Variants in RBM20 observed in about 807,000 individuals in gnomAD.
The protein encoded by RBM20 is RNA-binding protein 20.
RBM20 carries 51 observed loss-of-function variants against 110.1 expected under a neutral mutation model. The ratio of observed to expected loss-of-function variants is 0.46; its 90% confidence interval spans 0.37 to 0.59. RBM20 has a LOEUF of 0.59. Ranked by LOEUF, RBM20 falls within the 20% of genes least tolerant of loss-of-function variation. The pLI is 0.00. For synonymous variants in RBM20, 589 were observed against 618.2 expected, an observed-to-expected ratio of 0.95 and a Z score of 0.70; for missense variants, 1,512 against 1,574.9, an observed-to-expected ratio of 0.96 and a Z score of 0.68.
intron 1 of RBM20, among the ~76,000 whole-genome samples, chr10:110,744,577 C>G (rs970772554): frequency 6.6e-6 from 1 of 152,168 alleles, no homozygotes; most frequent in Admixed American, 6.5e-5. Flanking sequence ...ACTTACTGAA[C>G]GGAAACTCTG....
At chr10:110,694,139 G>A (rs1862627636) in intron 1 of RBM20, among the ~76,000 whole-genome samples, 1 of 152,148 alleles carries the variant, frequency 6.6e-6, no homozygotes, top group Admixed American at 6.5e-5. Context: ...ACAAGCATTT[G>A]CTGCCCTCTA....
In RBM20 at chr10:110,785,510, C is replaced by T. The variant is rs572660311; in HGVS notation, c.1527+621C>T. Among the ~76,000 whole-genome samples the T allele has an allele frequency of 3.9e-5, 6 of 152,028 alleles. No homozygotes were observed. In the East Asian group the frequency reaches 7.7e-4, roughly 20 times the overall value. On this transcript the variant is annotated intron_variant, in intron 5 of 13. Transcript: ENST00000369519. Reference sequence around the variant, plus strand: ...GGCAAAGGTTGCAGTGAGCCGAGATCGCACCACTGCACTCCAGCGCAGGTG... The same window carrying T: ...GGCAAAGGTTGCAGTGAGCCGAGATTGCACCACTGCACTCCAGCGCAGGTG...
chr10:110,781,557 C>T lies in RBM20; in HGVS notation c.948C>T (p.Asn316=). The change falls in exon 2 of 14, where the codon AAC becomes AAT. Residue 316 remains asparagine, a synonymous_variant. Coordinates refer to ENST00000369519, the MANE Select transcript of RBM20 (RefSeq NM_001134363.3). ...SEVGPLLQGT[N]SQWESPHGFS... ...TCGGGCCACTGCTGCAGGGCACAAA[C>T]AGCCAATGGGAGAGCCCCCATGGAT... is the stretch of plus-strand genomic sequence containing the variant. The T allele has an allele frequency of 6.4e-7, 1 of 1,551,734 alleles. No individual in the cohort carries two copies. Among genetic ancestry groups the T allele is most frequent in the Non-Finnish European group, 8.7e-7 (1 of 1,147,008 alleles).
intron 1 of RBM20, among the ~76,000 whole-genome samples, chr10:110,686,088 T>A (rs1234673422): frequency 1.3e-5 from 2 of 152,178 alleles, no homozygotes; most frequent in Non-Finnish European, 2.9e-5. Context: ...TCACGGACCT[T>A]ACTTTTCTCA....
chr10:110,671,900 C>T (rs1348979468), intron 1 of RBM20, among the ~76,000 whole-genome samples: 1 of 152,106 alleles, frequency 6.6e-6, no homozygotes, highest in Non-Finnish European at 1.5e-5. Flanking sequence ...TCTTTTTCAG[C>T]TTTTACAGAG....
chr10:110,775,616 T>A (rs551795168), intron 1 of RBM20, among the ~76,000 whole-genome samples: 1 of 152,162 alleles, frequency 6.6e-6, no homozygotes, highest in Non-Finnish European at 1.5e-5. Context: ...GCCCACTCCT[T>A]ATCTTCTAAT....
intron 5 of RBM20, among the ~76,000 whole-genome samples, chr10:110,785,504 C>G (rs370887721): frequency 6.6e-6 from 1 of 151,920 alleles, no homozygotes; most frequent in Non-Finnish European, 1.5e-5. Flanking sequence ...TGCAGTGAGC[C>G]GAGATCGCAC....
intron 1 of RBM20, chr10:110,756,357 C>A (rs987000885): frequency 6.6e-6 from 1 of 152,228 alleles, no homozygotes; most frequent in Non-Finnish European, 1.5e-5. Context: ...GGTATTGTGG[C>A]ATCCGTGCCC....
At chr10:110,677,006 A>G (rs541890944) in intron 1 of RBM20, among the ~76,000 whole-genome samples, 2 of 152,302 alleles carry the variant, frequency 1.3e-5, no homozygotes, top group East Asian at 1.9e-4. Context: ...AATTCCTAAA[A>G]CAGGATAATT....
intron 1 of RBM20, among the ~76,000 whole-genome samples, chr10:110,647,546 T>C (rs981818546): frequency 6.6e-6 from 1 of 152,180 alleles, no homozygotes; most frequent in Non-Finnish European, 1.5e-5. Context: ...ATTTAGGCTA[T>C]TTAGGAAACA....
At chr10:110,711,168 A>G (rs1862920036) in intron 1 of RBM20, among the ~76,000 whole-genome samples, 1 of 97,132 alleles carries the variant, frequency 1.0e-5, no homozygotes, top group South Asian at 5.0e-4. Flanking sequence ...CGTCTCTACT[A>G]AAAATACAAA....
chr10:110,763,376 C>T (rs1368271226), intron 1 of RBM20, among the ~76,000 whole-genome samples: 1 of 151,984 alleles, frequency 6.6e-6, no homozygotes, highest in Non-Finnish European at 1.5e-5. Context: ...TTTATAAGCT[C>T]ACTGGGGAGT....
At position 110,781,243 on chromosome 10, in the gene RBM20, G is replaced by A; in HGVS notation, c.634G>A (p.Val212Ile). Residue 212 changes from valine (V) to isoleucine (I), a missense_variant, in exon 2 of 14, where the codon GTC (valine) becomes ATC (isoleucine). Physicochemically the swap from Val to Ile is conservative, Grantham distance 29. Coordinates refer to ENST00000369519, the MANE Select transcript of RBM20 (RefSeq NM_001134363.3). ...GCCTCAGACCCCTGGCCAGCCAGCAGTCATCTTGGGCATTGGCAAGACTGG... is the reference window on the plus strand; with the variant it reads ...GCCTCAGACCCCTGGCCAGCCAGCAATCATCTTGGGCATTGGCAAGACTGG... ...VMPQTPGQPA[V>I]ILGIGKTGPA... 6.4e-7 allele frequency: 1 copy of A among 1,551,710 alleles called. No individual in the cohort carries two copies. Among genetic ancestry groups the A allele is most frequent in the African/African-American group, 1.4e-5 (1 of 73,186 alleles).
Position 110,684,394 on chromosome 10 carries a change from AAAAACAAAAC to A in RBM20, c.191+39774_191+39783del, listed in dbSNP as rs369390447. 4.5e-3 allele frequency among the ~76,000 whole-genome samples: 679 copies of A among 150,878 alleles called. 7 individuals carry two copies. The highest frequency in any genetic ancestry group is 0.016 in the African/African-American group (642 of 40,890). ...GGGTGACAGAGTGAGACTCCATCTT[AAAAACAAAAC>A]AAAACAAAACAAAACAAAACAAAAG... On this transcript the variant is annotated intron_variant, in intron 1 of 13. Transcript: ENST00000369519.
intron 9 of RBM20, among the ~76,000 whole-genome samples, chr10:110,816,238 G>A (rs1271331839): frequency 2.7e-5 from 4 of 150,320 alleles, no homozygotes; most frequent in Non-Finnish European, 5.9e-5. Context: ...CACTGCACAT[G>A]ATTTCAACAC....
chr10:110,667,413 A>G (rs1474740720), intron 1 of RBM20, among the ~76,000 whole-genome samples: 1 of 151,976 alleles, frequency 6.6e-6, no homozygotes, highest in African/African-American at 2.4e-5. Context: ...CATTTTTTCT[A>G]CCTGGCTCCA....
At chr10:110,727,419 A>AAAAAATAAAAAAAATAAATAAAAAAAAT (rs377734576) in intron 1 of RBM20, among the ~76,000 whole-genome samples, 8 of 146,726 alleles carry the variant, frequency 5.5e-5, no homozygotes, top group Admixed American at 2.7e-4. Context: ...AAATAAAAAA[A>AAAAAATAAAAAAAATAAATAAAAAAAAT]AAATAAATAA....
At chr10:110,732,439 A>C (rs2134953952) in intron 1 of RBM20, among the ~76,000 whole-genome samples, 1 of 152,260 alleles carries the variant, frequency 6.6e-6, no homozygotes, top group Non-Finnish European at 1.5e-5. Context: ...CCTTCAGATG[A>C]TTTCAATTGC....
intron 1 of RBM20, among the ~76,000 whole-genome samples, chr10:110,717,255 A>G (rs1471010888): frequency 6.6e-6 from 1 of 152,184 alleles, no homozygotes; most frequent in Admixed American, 6.6e-5. Flanking sequence ...CAGCCTTCAT[A>G]TTTAATTCAC....
Sources: allele counts gnomAD v4.1 joint callset (sites outside exome capture counted in the v4.1 genomes callset), GRCh38; gene constraint gnomAD v4.1.1; transcripts MANE v1.5; gene names NCBI Gene and HGNC (gene_info 2026-07-23, HGNC 2026-07-21).